The following RIPK4 variants were observed in gnomAD, a reference collection of about 807,000 sequenced individuals.
The protein encoded by RIPK4 is receptor interacting serine/threonine kinase 4.
Under a neutral mutation model 42.9 loss-of-function variants are expected in RIPK4, and 17 were observed. The observed-to-expected ratio is 0.40, with a 90% CI of 0.27 to 0.59. The LOEUF is 0.59. Among genes scored for constraint, RIPK4 ranks in the 20% least tolerant of loss-of-function variants. The pLI, the probability that RIPK4 is intolerant of heterozygous loss-of-function variation, is 0.47. For missense variants in RIPK4, 897 were observed against 1,104.4 expected, an observed-to-expected ratio of 0.81 and a Z score of 2.66; for synonymous variants, 498 against 499.1, an observed-to-expected ratio of 1.00 and a Z score of 0.03.
chr21:41,746,831 T>G lies in RIPK4; in HGVS notation c.674-60A>C, dbSNP rs2061173356. The G allele has an allele frequency of 3.3e-6, 5 of 1,512,490 alleles. No individual in the cohort carries two copies. The South Asian group carries it at 5.1e-5, about 15-fold the overall frequency. 93.7% of individuals were successfully genotyped at this position (1,512,490 alleles called of 1,614,324 possible). A position where few individuals can be genotyped will look rare whatever the true frequency, so the allele number is the denominator to read the frequency against. On this transcript the variant is annotated intron_variant, in intron 4 of 7. Transcript: ENST00000332512. ...AGGGCTGGGTGGCAGCATCTCACCC[T>G]TGGGAGGAAACGACACACTCGCCGG...
chr21:41,752,811 C>A (rs910445129), intron 2 of RIPK4, among the ~76,000 whole-genome samples: 4 of 152,048 alleles, frequency 2.6e-5, no homozygotes, highest in Non-Finnish European at 5.9e-5. Flanking sequence ...CATCACACGC[C>A]GGGCCCTGTC....
chr21:41,766,609 A>G (rs1228751255), intron 1 of RIPK4, among the ~76,000 whole-genome samples: 1 of 150,598 alleles, frequency 6.6e-6, no homozygotes, highest in Admixed American at 6.6e-5. Context: ...GGAGCCCCAG[A>G]GGAGCCGCCT....
Position 41,744,360 on chromosome 21 carries a change from G to A in RIPK4, c.937-220C>T, listed in dbSNP as rs537508917. Among the ~76,000 whole-genome samples, 158 of 151,512 alleles carry A rather than the reference G, an allele frequency of 1.0e-3. 2 individuals carry two copies. Among genetic ancestry groups the A allele is most frequent in the South Asian group, 5.1e-3 (24 of 4,718 alleles). On this transcript the variant is annotated intron_variant, in intron 6 of 7. Coordinates refer to ENST00000332512, the MANE Select transcript of RIPK4 (RefSeq NM_020639.3). ...AGACGCCATGTCCACACAGCGCCGC[G>A]GAGCTCAGACCCCGCGCCCGCACAG... is the stretch of plus-strand genomic sequence containing the variant.
At position 41,745,880 on chromosome 21, in the gene RIPK4, G is replaced by A. The variant is rs748247665; in HGVS notation, c.833-18C>T. On this transcript the variant is annotated intron_variant, in intron 5 of 7. Coordinates refer to ENST00000332512, the MANE Select transcript of RIPK4 (RefSeq NM_020639.3). ...AGTAATTTCTTGTGGGGAAGAAAGGGGACATGTCACTCGGATGATGACTTC... is the reference window on the plus strand; with the variant it reads ...AGTAATTTCTTGTGGGGAAGAAAGGAGACATGTCACTCGGATGATGACTTC... 8 of 1,579,374 alleles carry A rather than the reference G, an allele frequency of 5.1e-6. No individual in the cohort carries two copies. The highest frequency in any genetic ancestry group is 7.0e-6 in the Non-Finnish European group (8 of 1,148,248).
In RIPK4 at chr21:41,749,157, C is replaced by A. The variant is rs1274168784; in HGVS notation, c.670G>T (p.Ala224Ser). 13 of 1,613,680 alleles carry A rather than the reference C, an allele frequency of 8.1e-6. No individual in the cohort carries two copies. Among genetic ancestry groups the A allele is most frequent in the Non-Finnish European group, 1.1e-5 (13 of 1,179,870 alleles). Residue 224 changes from alanine (A) to serine (S), a missense_variant, in exon 4 of 8, where the codon GCA (alanine) becomes TCA (serine). By Grantham distance (99) the Ala-to-Ser change is moderately conservative. Transcript: ENST00000332512. ...WGVLTQKKPF[A>S]DEKNILHIMV... ...CCTCAAAGACAGGTCCACTCACCTG[C>A]AAACGGCTTCTTCTGTGTGAGCACG...
chr21:41,765,731 G>C (rs1309889148), intron 1 of RIPK4, among the ~76,000 whole-genome samples: 1 of 152,236 alleles, frequency 6.6e-6, no homozygotes, highest in Non-Finnish European at 1.5e-5. Flanking sequence ...TGTCGCTTCT[G>C]AGTGTATGTG....
In RIPK4 at chr21:41,741,429, C is replaced by A; in HGVS notation, c.1764G>T (p.Leu588=). The A allele has an allele frequency of 6.2e-7, 1 of 1,612,902 alleles. No homozygotes were observed. The highest frequency in any genetic ancestry group is 8.5e-7 in the Non-Finnish European group (1 of 1,179,944). Residue 588 remains leucine (L), a synonymous_variant, in exon 8 of 8, where the codon CTG becomes CTT. Transcript: ENST00000332512. Reference sequence around the variant, plus strand: ...CACTCACCCCCGGCTGCTTGGCCAGCAGCTTGACGATGGGCAGGTGGCCCT... The same window carrying A: ...CACTCACCCCCGGCTGCTTGGCCAGAAGCTTGACGATGGGCAGGTGGCCCT... ...AWQGHLPIVK[L]LAKQPGVSVN...
intron 3 of RIPK4, among the ~76,000 whole-genome samples, chr21:41,749,622 C>T (rs2061182354): frequency 6.6e-6 from 1 of 152,194 alleles, no homozygotes; most frequent in Admixed American, 6.5e-5. Context: ...CCTCCCCCAA[C>T]AATGATTTCA....
chr21:41,757,581 G>GT (rs1211820782), intron 1 of RIPK4, among the ~76,000 whole-genome samples: 1 of 151,038 alleles, frequency 6.6e-6, no homozygotes, highest in African/African-American at 2.4e-5. Context: ...CACCTTCTCC[G>GT]TTTAAGCCCA....
intron 1 of RIPK4, among the ~76,000 whole-genome samples, chr21:41,766,254 C>T (rs2061236066): frequency 6.6e-6 from 1 of 152,244 alleles, no homozygotes; most frequent in Admixed American, 6.5e-5. Context: ...ACCGCGCAAG[C>T]GCCGGGCGCC....
chr21:41,745,035 C>T (rs1477082227), intron 6 of RIPK4, among the ~76,000 whole-genome samples: 2 of 152,160 alleles, frequency 1.3e-5, no homozygotes, highest in African/African-American at 4.8e-5. Flanking sequence ...ACCGAGCCAC[C>T]CCTACATGTT....
chr21:41,746,474 A>G, intron 5 of RIPK4, 139 bp downstream of exon 5: 5 of 1,044,122 alleles, frequency 4.8e-6, no homozygotes, highest in East Asian at 5.2e-5. Flanking sequence ...GGTCCAACCT[A>G]TCTGTGCAGG....
At chr21:41,749,930 G>A (rs963788693) in intron 3 of RIPK4, among the ~76,000 whole-genome samples, 8 of 146,368 alleles carry the variant, frequency 5.5e-5, no homozygotes, top group Admixed American at 2.0e-4. Context: ...ACAGAAGTCC[G>A]AAAACTGAGC....
At chr21:41,753,805 C>T (rs2061195368) in intron 2 of RIPK4, among the ~76,000 whole-genome samples, 2 of 152,188 alleles carry the variant, frequency 1.3e-5, no homozygotes, top group South Asian at 4.1e-4. Context: ...AGAACGTGAC[C>T]CGCGTGTGAC....
rs750890967 is a variant in RIPK4 at position 41,741,551 on chromosome 21, C to G, written c.1642G>C (p.Gly548Arg). 1.2e-6 allele frequency: 2 copies of G among 1,612,144 alleles called. No individual in the cohort carries two copies. Among genetic ancestry groups the G allele is most frequent in the Admixed American group, 1.7e-5 (1 of 60,030 alleles). The change falls in exon 8 of 8, where the codon GGG becomes CGG. Residue 548 changes from glycine (G) to arginine (R), a missense_variant. Transcript: ENST00000332512. ...AGGATGCGCACGATATTCTCCTGCCCGTGCTGGCAGGCCACGTGCATGGGC... is the reference window on the plus strand; with the variant it reads ...AGGATGCGCACGATATTCTCCTGCCGGTGCTGGCAGGCCACGTGCATGGGC... ...RTPMHVACQH[G>R]QENIVRILLR...
intron 1 of RIPK4, among the ~76,000 whole-genome samples, chr21:41,764,641 G>A (rs148570267): frequency 1.3e-5 from 2 of 152,302 alleles, no homozygotes; most frequent in Non-Finnish European, 2.9e-5. Context: ...GTGGCACAGC[G>A]ACTACTTCAA....
chr21:41,746,922 A>C (rs2061173807), intron 4 of RIPK4, 151 bp from the exon 5 acceptor site: 1 of 830,854 alleles, frequency 1.2e-6, no homozygotes, highest in African/African-American at 1.7e-5. Context: ...TTTCAAAGGC[A>C]GAGCTTCCTG....
chr21:41,750,275 G>A (rs1318203859), intron 3 of RIPK4, among the ~76,000 whole-genome samples: 1 of 152,238 alleles, frequency 6.6e-6, no homozygotes, highest in Admixed American at 6.5e-5. Context: ...GAGGCTTAGT[G>A]CCTGCTCACA....
intron 1 of RIPK4, among the ~76,000 whole-genome samples, chr21:41,762,915 G>C (rs1005764981): frequency 2.0e-5 from 3 of 152,136 alleles, no homozygotes; most frequent in African/African-American, 7.2e-5. Context: ...TGACAGTGAA[G>C]TCAACGTTTC....
Sources: gnomAD v4.1 joint callset for allele counts (sites outside exome capture counted in the v4.1 genomes callset) on GRCh38, gnomAD v4.1.1 for gene constraint, MANE v1.5 for transcripts, NCBI Gene and HGNC (gene_info 2026-07-23, HGNC 2026-07-21) for gene names.